Variants in ZDHHC14 observed in about 807,000 individuals in gnomAD.
The protein encoded by ZDHHC14 is palmitoyltransferase ZDHHC14.
A neutral mutation model predicts 47.7 loss-of-function variants in ZDHHC14; 16 were observed. The observed-to-expected ratio is 0.34, with a 90% CI of 0.23 to 0.51. The LOEUF is 0.51. Ranked by LOEUF, ZDHHC14 falls within the 20% of genes least tolerant of loss-of-function variation. The pLI is 0.97. For missense variants in ZDHHC14, 515 were observed against 662.5 expected (o/e 0.78, Z 2.44); for synonymous variants, 293 against 278.9 (o/e 1.05, Z -0.50).
chr6:157,444,481 C>T (rs990244070), intron 1 of ZDHHC14, among the ~76,000 whole-genome samples: 5 of 152,098 alleles, frequency 3.3e-5, no homozygotes, highest in Non-Finnish European at 5.9e-5. Context: ...AGTTTGAGAC[C>T]AGCCTGACGA....
At position 157,395,687 on chromosome 6, in the gene ZDHHC14, G is replaced by A. The variant is rs562943605; in HGVS notation, c.245+13421G>A. Reference sequence around the variant, plus strand: ...CACACGCCTGTAGTCCCAGATACTCGGAAGGCTGAGGCAGGGGAATCACTT... The same window carrying A: ...CACACGCCTGTAGTCCCAGATACTCAGAAGGCTGAGGCAGGGGAATCACTT... On this transcript the variant is annotated intron_variant, in intron 1 of 8. Transcript: ENST00000359775. Among the ~76,000 whole-genome samples, 13 of 152,024 alleles carry A rather than the reference G, an allele frequency of 8.6e-5. No homozygotes were observed. In the South Asian group the frequency reaches 1.7e-3, roughly 20 times the overall value.
rs772975125 is a variant in ZDHHC14, at chr6:157,673,131, G to T, written c.*9G>T. The T allele has an allele frequency of 6.4e-6, 10 of 1,563,198 alleles. No individual in the cohort carries two copies. The highest frequency in any genetic ancestry group is 6.9e-6 in the Non-Finnish European group (8 of 1,164,006). ...AGCTCAGCTCCGTGTGACCCACATG[G>T]CCCCAGGCCGGGGGACACCAGAGGC... On this transcript the variant is annotated 3_prime_UTR_variant, in exon 9 of 9. Transcript: ENST00000359775. The surrounding 1 kb of genome is among the most constrained non-coding windows in gnomAD (Gnocchi z 5.4).
intron 2 of ZDHHC14, among the ~76,000 whole-genome samples, chr6:157,580,287 G>A (rs1375287899): frequency 6.6e-6 from 1 of 152,128 alleles, no homozygotes; most frequent in African/African-American, 2.4e-5. Flanking sequence ...TGTGCTGCTA[G>A]ATTCAGTTTA....
chr6:157,566,243 T>TAA (rs11436142), intron 2 of ZDHHC14, among the ~76,000 whole-genome samples: 18 of 151,876 alleles, frequency 1.2e-4, no homozygotes, highest in Admixed American at 6.5e-4. Context: ...TCTTTCTCTC[T>TAA]AAAAAAACCC....
At position 157,580,736 on chromosome 6, in the gene ZDHHC14, T is replaced by TG. The variant is rs372683275; in HGVS notation, c.407-12252_407-12251insG. Among the ~76,000 whole-genome samples, 449 of 138,258 alleles carry TG rather than the reference T, an allele frequency of 3.2e-3. 3 individuals carry two copies. Among genetic ancestry groups the TG allele is most frequent in the African/African-American group, 0.01 (393 of 38,416 alleles). The allele number at this position is 138,258 out of a possible 152,430, so 90.7% of individuals were successfully genotyped here. ...TTTGTGTGTGTGTGTGTGTGTGTGT[T>TG]TTTTTCTTTGTATTTCTCTGGGGGT... On this transcript the variant is annotated intron_variant, in intron 2 of 8. Transcript: ENST00000359775.
chr6:157,453,839 T>C (rs1431314016), intron 1 of ZDHHC14, among the ~76,000 whole-genome samples: 1 of 149,904 alleles, frequency 6.7e-6, no homozygotes, highest in Non-Finnish European at 1.5e-5. Flanking sequence ...TGACTCCACA[T>C]GTAATATGTG....
At chr6:157,403,947 A>G (rs972826297) in intron 1 of ZDHHC14, among the ~76,000 whole-genome samples, 3 of 152,160 alleles carry the variant, frequency 2.0e-5, no homozygotes, top group Non-Finnish European at 4.4e-5. Flanking sequence ...AAACGGGAGG[A>G]CTTTTCCCAG....
chr6:157,449,729 C>T (rs936080164), intron 1 of ZDHHC14, among the ~76,000 whole-genome samples: 3 of 152,160 alleles, frequency 2.0e-5, no homozygotes, highest in African/African-American at 7.2e-5. Context: ...GTGAACTAGG[C>T]TTTACTCTCC....
At chr6:157,489,494 T>C (rs1156480030) in intron 1 of ZDHHC14, among the ~76,000 whole-genome samples, 1 of 152,222 alleles carries the variant, frequency 6.6e-6, no homozygotes, top group Non-Finnish European at 1.5e-5. Flanking sequence ...AACGTTGTTC[T>C]CATTTCTTAG....
chr6:157,509,529 C>T (rs570909398), intron 1 of ZDHHC14, among the ~76,000 whole-genome samples: 2 of 152,274 alleles, frequency 1.3e-5, no homozygotes, highest in South Asian at 4.1e-4. Context: ...AGTTAGTAGG[C>T]GGCAGAGCTG....
rs376893528 is a variant in ZDHHC14 at position 157,647,314 on chromosome 6, A to G, written c.911A>G (p.Tyr304Cys). Residue 304 changes from tyrosine to cysteine, a missense_variant, in exon 7 of 9, where the codon TAC becomes TGC. Transcript: ENST00000359775. ...RGKENYNPYS[Y>C]GNIFTNCCVA... ...AAAGAAAATTACAATCCCTACAGCT[A>G]CGGAAATATCTTTACCAACTGCTGT... 1 of 1,614,198 alleles carries G rather than the reference A, an allele frequency of 6.2e-7. No homozygotes were observed. The highest frequency in any genetic ancestry group is 8.5e-7 in the Non-Finnish European group (1 of 1,180,020).
chr6:157,605,334 T>G (rs140840114), intron 3 of ZDHHC14, among the ~76,000 whole-genome samples: 1 of 152,220 alleles, frequency 6.6e-6, no homozygotes, highest in Non-Finnish European at 1.5e-5. Context: ...AATCCAGTAA[T>G]GTGCCTTTGG....
chr6:157,506,298 A>G (rs528819311), intron 1 of ZDHHC14, among the ~76,000 whole-genome samples: 4 of 152,308 alleles, frequency 2.6e-5, no homozygotes, highest in East Asian at 1.9e-4. Flanking sequence ...ATTTTTGTCA[A>G]CCTATCTCAG....
intron 1 of ZDHHC14, among the ~76,000 whole-genome samples, chr6:157,418,945 G>A (rs752587490): frequency 1.3e-5 from 2 of 152,186 alleles, no homozygotes; most frequent in Non-Finnish European, 2.9e-5. Context: ...TTGGACTGCT[G>A]AAGAATTGTA....
At chr6:157,604,562 T>G (rs888974960) in intron 3 of ZDHHC14, among the ~76,000 whole-genome samples, 1 of 152,006 alleles carries the variant, frequency 6.6e-6, no homozygotes, top group Non-Finnish European at 1.5e-5. Context: ...CTTTTTTTTT[T>G]TTTGAGACGG....
chr6:157,524,215 C>T (rs1173575358), intron 1 of ZDHHC14, among the ~76,000 whole-genome samples: 2 of 151,972 alleles, frequency 1.3e-5, no homozygotes, highest in African/African-American at 4.8e-5. Flanking sequence ...CTGCAACCTC[C>T]ACCTCCCAGG....
chr6:157,554,583 A>G (rs1164523632), intron 2 of ZDHHC14, among the ~76,000 whole-genome samples: 1 of 152,250 alleles, frequency 6.6e-6, no homozygotes, highest in Non-Finnish European at 1.5e-5. Flanking sequence ...GAATAGGCAC[A>G]CGGGACTAGG....
intron 2 of ZDHHC14, among the ~76,000 whole-genome samples, chr6:157,560,283 T>C (rs1782654372): frequency 6.6e-6 from 1 of 152,234 alleles, no homozygotes; most frequent in African/African-American, 2.4e-5. Flanking sequence ...ACAGCTACAG[T>C]ACACCTTCTT....
intron 1 of ZDHHC14, among the ~76,000 whole-genome samples, chr6:157,439,946 G>A (rs1778529301): frequency 6.6e-6 from 1 of 151,982 alleles, no homozygotes; most frequent in Admixed American, 6.6e-5. Context: ...ACTTACATAT[G>A]GGAGCTGAAC....
Sources: allele counts gnomAD v4.1 joint callset (sites outside exome capture counted in the v4.1 genomes callset), GRCh38; gene constraint gnomAD v4.1.1; non-coding constraint Gnocchi (gnomAD v3.1); transcripts MANE v1.5; gene names NCBI Gene and HGNC (gene_info 2026-07-23, HGNC 2026-07-21).